The following MAPK10 variants were observed in gnomAD, a reference collection of about 807,000 sequenced individuals.
MAPK10 encodes the protein mitogen-activated protein kinase 10, also known as JNK3 alpha protein kinase.
A neutral mutation model predicts 59.3 loss-of-function variants in MAPK10; 25 were observed. That is an observed-to-expected ratio of 0.42 (90% confidence interval 0.31 to 0.59). MAPK10 has a LOEUF of 0.59. Among genes scored for constraint, MAPK10 ranks in the 20% least tolerant of loss-of-function variants. The probability of loss-of-function intolerance (pLI) is 0.15; values close to 1 mark genes in which losing one functional copy is unlikely to be tolerated. For synonymous variants in MAPK10, 190 were observed against 200.5 expected (o/e 0.95, Z 0.44); for missense variants, 351 against 568.9 (o/e 0.62, Z 3.90).
chr4:86,202,668 A>G (rs1030058761), intron 2 of MAPK10, among the ~76,000 whole-genome samples: 1 of 151,896 alleles, frequency 6.6e-6, no homozygotes, highest in Non-Finnish European at 1.5e-5. Flanking sequence ...AATGCTACCC[A>G]GCAGTGACGT....
chr4:86,333,823 T>G (rs1044160930), intron 2 of MAPK10, among the ~76,000 whole-genome samples: 15 of 152,324 alleles, frequency 9.8e-5, no homozygotes, highest in African/African-American at 3.4e-4. Context: ...ATTAAATTGA[T>G]CTAATATATG....
intron 2 of MAPK10, among the ~76,000 whole-genome samples, chr4:86,309,791 C>A (rs2095634626): frequency 1.3e-5 from 2 of 152,150 alleles, no homozygotes; most frequent in Admixed American, 6.5e-5. Context: ...TAAAGCAGTG[C>A]CCGGCATGTA....
chr4:86,277,012 C>A lies in MAPK10; in HGVS notation c.-7+77518G>T, dbSNP rs935369233. 2.6e-5 allele frequency: 4 copies of A among 152,114 alleles called. No homozygotes were observed. In the East Asian group the frequency reaches 7.7e-4, roughly 29 times the overall value. 9.4% of individuals were successfully genotyped at this position (152,114 alleles called of 1,614,324 possible). On this transcript the variant is annotated intron_variant, in intron 2 of 13. Coordinates refer to ENST00000641462, the MANE Select transcript of MAPK10 (RefSeq NM_138982.4). ...CACATCTCACCAATAGAGTTGAGAC[C>A]ATATCATCTCTTCCCTGTGTGAAGA... is the stretch of plus-strand genomic sequence containing the variant.
intron 2 of MAPK10, among the ~76,000 whole-genome samples, chr4:86,329,611 A>T (rs751403236): frequency 6.6e-6 from 1 of 152,164 alleles, no homozygotes; most frequent in Non-Finnish European, 1.5e-5. Flanking sequence ...GGCTTATGAC[A>T]GTGTGACTTT....
intron 4 of MAPK10, among the ~76,000 whole-genome samples, chr4:86,122,611 AT>A (rs1372889605): frequency 1.3e-5 from 2 of 152,172 alleles, no homozygotes; most frequent in African/African-American, 4.8e-5. Flanking sequence ...TTTGGCACCC[AT>A]TGAGTGGAAA....
chr4:86,506,472 G>T (rs1428180797), intron 1 of MAPK10, among the ~76,000 whole-genome samples: 2 of 152,100 alleles, frequency 1.3e-5, no homozygotes, highest in Admixed American at 1.3e-4. Flanking sequence ...ATTACACACT[G>T]CATAAAAACA....
chr4:86,059,854 A>C (rs781500236), intron 11 of MAPK10, among the ~76,000 whole-genome samples: 4 of 151,930 alleles, frequency 2.6e-5, no homozygotes, highest in Non-Finnish European at 5.9e-5. Context: ...CTCTTCTGGA[A>C]CTTTCATTTG....
At chr4:86,548,229 A>G (rs896436292) in intron 1 of MAPK10, among the ~76,000 whole-genome samples, 5 of 152,086 alleles carry the variant, frequency 3.3e-5, no homozygotes, top group Non-Finnish European at 7.3e-5. Flanking sequence ...GCGCTGCCTT[A>G]AGAGCTGTAA....
At chr4:86,276,707 C>A (rs1052659788) in intron 2 of MAPK10, among the ~76,000 whole-genome samples, 3 of 152,146 alleles carry the variant, frequency 2.0e-5, no homozygotes, top group Non-Finnish European at 2.9e-5. Context: ...TGAAGCACTT[C>A]ATGTGTATTG....
chr4:86,242,034 TTGTTGG>T (rs1187653045), intron 2 of MAPK10, among the ~76,000 whole-genome samples: 3 of 151,996 alleles, frequency 2.0e-5, no homozygotes, highest in Non-Finnish European at 4.4e-5. Context: ...TTTTTTGTTG[TTGTTGG>T]TGGTGGTGGT....
At chr4:86,546,759 T>G (rs1759211549) in intron 1 of MAPK10, among the ~76,000 whole-genome samples, 1 of 151,982 alleles carries the variant, frequency 6.6e-6, no homozygotes, top group South Asian at 2.1e-4. Context: ...ACTCTCACTG[T>G]AAAAGTTCAA....
At chr4:86,137,419 T>C (rs367572969) in intron 4 of MAPK10, among the ~76,000 whole-genome samples, 1 of 138,666 alleles carries the variant, frequency 7.2e-6, no homozygotes, top group Admixed American at 7.2e-5. Context: ...CTGAACAACC[T>C]GCTCCTGAAT....
At chr4:86,319,283 A>G (rs979224777) in intron 2 of MAPK10, among the ~76,000 whole-genome samples, 10 of 152,154 alleles carry the variant, frequency 6.6e-5, no homozygotes, top group African/African-American at 2.2e-4. Flanking sequence ...CGGGGCCAGA[A>G]GTGAAGAAGA....
At chr4:86,508,616 T>C (rs1022554400) in intron 1 of MAPK10, among the ~76,000 whole-genome samples, 2 of 152,152 alleles carry the variant, frequency 1.3e-5, no homozygotes, top group Non-Finnish European at 2.9e-5. Flanking sequence ...CACTCTGATT[T>C]TGGTTTCATT....
At position 86,544,867 on chromosome 4, in the gene MAPK10, T is replaced by G. The variant is rs141118359; in HGVS notation, c.-263+49043A>C. 3.3e-3 allele frequency among the ~76,000 whole-genome samples: 508 copies of G among 151,946 alleles called. 1 individual carries two copies. Among genetic ancestry groups the G allele is most frequent in the African/African-American group, 0.012 (491 of 41,450 alleles). Reference sequence around the variant, plus strand: ...CCCATAATATCCTTGTCTTTCAAACTGAAAGGTTTTTTTCTTTTTTTTTTT... The same window carrying G: ...CCCATAATATCCTTGTCTTTCAAACGGAAAGGTTTTTTTCTTTTTTTTTTT... On this transcript the variant is annotated intron_variant, in intron 1 of 4. Coordinates refer to the MAPK10 transcript ENST00000502302.
At chr4:86,156,459 T>C (rs1562435064) in intron 4 of MAPK10, among the ~76,000 whole-genome samples, 2 of 152,038 alleles carry the variant, frequency 1.3e-5, no homozygotes, top group East Asian at 1.9e-4. Context: ...TACAAGCTGA[T>C]GGTGTGTAAC....
chr4:86,202,213 A>G (rs1003543128), intron 2 of MAPK10, among the ~76,000 whole-genome samples: 8 of 151,878 alleles, frequency 5.3e-5, no homozygotes, highest in Admixed American at 3.3e-4. Flanking sequence ...CATTTTCAGC[A>G]TTCAAAATAC....
At chr4:86,343,224 A>C (rs1726074057) in intron 2 of MAPK10, among the ~76,000 whole-genome samples, 1 of 152,160 alleles carries the variant, frequency 6.6e-6, no homozygotes, top group African/African-American at 2.4e-5. Flanking sequence ...CCATCTGTAA[A>C]GGACTGCTTC....
In MAPK10 at chr4:86,297,443, G is replaced by T. The variant is rs1359205088; in HGVS notation, c.-7+57087C>A. ...TCCTGCCTCAGCCTCCCGAGTAGCT[G>T]CTGGGATTACTGGTGCCCACCACCA... On this transcript the variant is annotated intron_variant, in intron 2 of 13. Transcript: ENST00000641462. Among the ~76,000 whole-genome samples, 5 of 152,144 alleles carry T rather than the reference G, an allele frequency of 3.3e-5. No individual in the cohort carries two copies. In the Middle Eastern group the frequency reaches 0.014, roughly 414 times the overall value.
Sources: allele counts gnomAD v4.1 joint callset (sites outside exome capture counted in the v4.1 genomes callset), GRCh38; gene constraint gnomAD v4.1.1; transcripts MANE v1.5; gene names NCBI Gene and HGNC (gene_info 2026-07-23, HGNC 2026-07-21).